GOLGA8B: variants seen among roughly 807,000 people sequenced by gnomAD.
GOLGA8B encodes the protein golgin A8 family member B.
In GOLGA8B, 1 loss-of-function variant was observed where a neutral mutation model predicts 15.6. The ratio of observed to expected loss-of-function variants is 0.06; its 90% CI spans 0.02 to 0.30. The LOEUF (loss-of-function observed/expected upper bound fraction) is 0.30, where lower values mean the gene tolerates loss of function less well. Ranked by LOEUF, GOLGA8B falls within the 10% of genes least tolerant of loss-of-function variation. The pLI, the probability that GOLGA8B is intolerant of heterozygous loss-of-function variation, is 1.00. For synonymous variants in GOLGA8B, 9 were observed against 80.3 expected (o/e 0.11, Z 4.75); for missense variants, 17 against 201.3 (o/e 0.08, Z 5.54).
rs1888076042 is a variant in GOLGA8B, at chr15:34,527,137, C to T, written c.*495G>A. ...TAGTGGCATATTACAAAGTAATAAA[C>T]AGTGCACACTTGAGGGCAAACCGCA... On this transcript the variant is annotated 3_prime_UTR_variant, in exon 24 of 24. Transcript: ENST00000683415. The T allele has an allele frequency of 1.5e-5, 4 of 259,322 alleles. No homozygotes were observed. In the South Asian group the frequency reaches 1.7e-4, roughly 11 times the overall value. The allele number at this position is 259,322 out of a possible 1,614,324, so 16.1% of individuals were successfully genotyped here.
At chr15:34,557,730 T>C (rs1158324448) in intron 1 of GOLGA8B, among the ~76,000 whole-genome samples, 2 of 92,728 alleles carry the variant, frequency 2.2e-5, no homozygotes, top group African/African-American at 7.7e-5. Flanking sequence ...TATTGACTCC[T>C]GGATTTTCAG....
rs145062253 is a variant in GOLGA8B, at chr15:34,573,674, C to T, written c.-1123+9842G>A. Among the ~76,000 whole-genome samples the T allele has an allele frequency of 1.3e-3, 199 of 152,088 alleles. No homozygotes were observed. In the Middle Eastern group the frequency reaches 0.017, roughly 13 times the overall value. On this transcript the variant is annotated intron_variant, in intron 1 of 23. Transcript: ENST00000683415. The stretch of plus-strand genomic sequence containing the variant: ...TGTGGGGAATTGATGTAGATGGTTC[C>T]ATTTTAACTTCTTCAGCCAGAGGAA...
At chr15:34,566,646 G>C (rs1364561721) in intron 1 of GOLGA8B, among the ~76,000 whole-genome samples, 1 of 146,010 alleles carries the variant, frequency 6.8e-6, no homozygotes, top group Non-Finnish European at 1.5e-5. Flanking sequence ...TATCCAGACG[G>C]GGGCTGCCCT....
intron 1 of GOLGA8B, among the ~76,000 whole-genome samples, chr15:34,578,149 A>G (rs1044862918): frequency 2.6e-5 from 4 of 152,150 alleles, no homozygotes; most frequent in African/African-American, 9.7e-5. Context: ...TTTGCCTGAG[A>G]GTTTCACAAC....
chr15:34,571,449 G>GT (rs2140351438), intron 1 of GOLGA8B, among the ~76,000 whole-genome samples: 1 of 152,020 alleles, frequency 6.6e-6, no homozygotes, highest in South Asian at 2.1e-4. Context: ...AAAAGCCACC[G>GT]TAACTTACAC....
Position 34,526,750 on chromosome 15 carries a change from G to A in GOLGA8B, c.*882C>T, listed in dbSNP as rs1888065292. The A allele has an allele frequency of 6.7e-6, 1 of 149,438 alleles. No homozygotes were observed. The highest frequency in any genetic ancestry group is 2.1e-4 in the South Asian group (1 of 4,664). 9.3% of individuals were successfully genotyped at this position (149,438 alleles called of 1,614,324 possible). The stretch of plus-strand genomic sequence containing the variant: ...TGTATTGTAGATACAAATGCTCTAA[G>A]CTAGGAAAGGTTTTCCACATCCACA... On this transcript the variant is annotated 3_prime_UTR_variant, in exon 24 of 24. Transcript: ENST00000683415.
At chr15:34,576,894 G>T (rs1889098354) in intron 1 of GOLGA8B, among the ~76,000 whole-genome samples, 1 of 152,156 alleles carries the variant, frequency 6.6e-6, no homozygotes, top group South Asian at 2.1e-4. Context: ...TAACCCTGGT[G>T]ACTGCACTGA....
chr15:34,581,091 C>G (rs1439992138), intron 1 of GOLGA8B, among the ~76,000 whole-genome samples: 1 of 152,162 alleles, frequency 6.6e-6, no homozygotes, highest in East Asian at 1.9e-4. Context: ...TGCAGGGCCT[C>G]GATCCCCACC....
At chr15:34,576,494 C>T (rs1889085914) in intron 1 of GOLGA8B, among the ~76,000 whole-genome samples, 1 of 152,240 alleles carries the variant, frequency 6.6e-6, no homozygotes, top group African/African-American at 2.4e-5. Flanking sequence ...AACAACCACA[C>T]ATCCCACCTG....
rs892309546 is a variant in GOLGA8B at position 34,565,314 on chromosome 15, T to C, written c.-1122-11358A>G. On this transcript the variant is annotated intron_variant, in intron 1 of 23. Coordinates refer to ENST00000683415, the MANE Select transcript of GOLGA8B (RefSeq NM_001023567.5). ...CCACGCCTGGCTAATTTTTGTATTT[T>C]TGTAGAGACAGGGTTTCCCCATGTT... Among the ~76,000 whole-genome samples the C allele has an allele frequency of 9.6e-5, 13 of 135,312 alleles. 1 individual carries two copies. Among genetic ancestry groups the C allele is most frequent in the African/African-American group, 2.9e-4 (11 of 38,162 alleles). The allele number at this position is 135,312 out of a possible 152,430, so 88.8% of individuals were successfully genotyped here.
intron 1 of GOLGA8B, among the ~76,000 whole-genome samples, chr15:34,575,482 C>T (rs2140354662): frequency 6.6e-6 from 1 of 151,956 alleles, no homozygotes; most frequent in East Asian, 1.9e-4. Flanking sequence ...CTACTTTGCT[C>T]CCAACCCACA....
chr15:34,577,737 T>C (rs1889121605), intron 1 of GOLGA8B, among the ~76,000 whole-genome samples: 1 of 152,076 alleles, frequency 6.6e-6, no homozygotes, highest in Admixed American at 6.5e-5. Flanking sequence ...GTGCTGAAGG[T>C]GTGTATCTAA....
At chr15:34,580,435 C>T (rs571933527) in intron 1 of GOLGA8B, among the ~76,000 whole-genome samples, 70 of 152,238 alleles carry the variant, frequency 4.6e-4, no homozygotes, top group African/African-American at 1.5e-3. Context: ...ACCTCACAGC[C>T]GGCACAGAAA....
chr15:34,579,354 G>C (rs112379566), intron 1 of GOLGA8B, among the ~76,000 whole-genome samples: 102 of 152,198 alleles, frequency 6.7e-4, no homozygotes, highest in Middle Eastern at 6.8e-3. Context: ...CTGACATTAG[G>C]TACAAGACAA....
intron 1 of GOLGA8B, among the ~76,000 whole-genome samples, chr15:34,579,940 G>A (rs1889186353): frequency 6.6e-6 from 1 of 152,192 alleles, no homozygotes. Context: ...ACTGAATGTT[G>A]AGTACTAAGG....
chr15:34,557,643 A>AGTGTGTGTGTGTGT (rs1566932966), intron 1 of GOLGA8B, among the ~76,000 whole-genome samples: 1 of 31,474 alleles, frequency 3.2e-5, no homozygotes, highest in African/African-American at 1.7e-4. Flanking sequence ...AGAATTCATG[A>AGTGTGTGTGTGTGT]ATGTGTGTGT....
At chr15:34,567,627 T>A (rs964599509) in intron 1 of GOLGA8B, among the ~76,000 whole-genome samples, 2 of 151,754 alleles carry the variant, frequency 1.3e-5, no homozygotes, top group African/African-American at 4.9e-5. Flanking sequence ...CTGCTCTGTA[T>A]AAAAGACTGA....
At chr15:34,568,000 T>G (rs1888811247) in intron 1 of GOLGA8B, among the ~76,000 whole-genome samples, 1 of 150,878 alleles carries the variant, frequency 6.6e-6, no homozygotes, top group African/African-American at 2.5e-5. Flanking sequence ...CCAGCTAACC[T>G]GGGAAGTACA....
In GOLGA8B at chr15:34,571,016, A is replaced by G. The variant is rs1278974757; in HGVS notation, c.-1123+12500T>C. Among the ~76,000 whole-genome samples, 5 of 143,522 alleles carry G rather than the reference A, an allele frequency of 3.5e-5. No individual in the cohort carries two copies. In the Admixed American group the frequency reaches 3.6e-4, roughly 10 times the overall value. 94.2% of individuals were successfully genotyped at this position (143,522 alleles called of 152,430 possible). On this transcript the variant is annotated intron_variant, in intron 1 of 23. Coordinates refer to ENST00000683415, the MANE Select transcript of GOLGA8B (RefSeq NM_001023567.5). Reference sequence around the variant, plus strand: ...AAATCCCAATCAGAATATGGGATGAATTTAGTTTATTCTAAAGTTTATCTA... The same window carrying G: ...AAATCCCAATCAGAATATGGGATGAGTTTAGTTTATTCTAAAGTTTATCTA...
Sources: gnomAD v4.1 joint callset for allele counts (sites outside exome capture counted in the v4.1 genomes callset) on GRCh38, gnomAD v4.1.1 for gene constraint, MANE v1.5 for transcripts, NCBI Gene and HGNC (gene_info 2026-07-23, HGNC 2026-07-21) for gene names.